SUPT3H: variants seen among roughly 807,000 people sequenced by gnomAD.
SUPT3H encodes transcription initiation protein SPT3 homolog.
Under a neutral mutation model 44.3 loss-of-function variants are expected in SUPT3H, and 44 were observed. That is an observed-to-expected ratio of 0.99 (90% confidence interval 0.78 to 1.28). The LOEUF (loss-of-function observed/expected upper bound fraction) is 1.28, where lower values mean the gene tolerates loss of function less well. Ranked by LOEUF, SUPT3H falls within the 50% of genes most tolerant of loss-of-function variation. SUPT3H has a pLI of 0.00. For synonymous variants in SUPT3H, 124 were observed against 125.6 expected (o/e 0.99, Z 0.09); for missense variants, 380 against 387.1 (o/e 0.98, Z 0.15).
At chr6:44,916,284 C>A (rs186202340) in intron 10 of SUPT3H, among the ~76,000 whole-genome samples, 1 of 152,338 alleles carries the variant, frequency 6.6e-6, no homozygotes, top group Admixed American at 6.5e-5. Context: ...CAATCTAAAG[C>A]TTCCAACTTC....
At chr6:44,859,445 C>T (rs1371283552) in intron 10 of SUPT3H, among the ~76,000 whole-genome samples, 1 of 152,166 alleles carries the variant, frequency 6.6e-6, no homozygotes, top group Non-Finnish European at 1.5e-5. Flanking sequence ...CCCTTCATAG[C>T]AAGTTTTCTT....
intron 2 of SUPT3H, among the ~76,000 whole-genome samples, chr6:45,230,140 C>T (rs1237898329): frequency 6.6e-6 from 1 of 152,196 alleles, no homozygotes; most frequent in Admixed American, 6.5e-5. Context: ...CCTCCAGTTC[C>T]ATCCACAAAC....
At chr6:45,069,344 G>A (rs1012682014) in intron 3 of SUPT3H, among the ~76,000 whole-genome samples, 3 of 152,300 alleles carry the variant, frequency 2.0e-5, no homozygotes, top group Non-Finnish European at 2.9e-5. Flanking sequence ...TGAACAGTAT[G>A]TGTTAGACAG....
At chr6:44,850,181 T>C (rs1772627374) in intron 10 of SUPT3H, among the ~76,000 whole-genome samples, 1 of 152,230 alleles carries the variant, frequency 6.6e-6, no homozygotes. Context: ...AATGCACTAA[T>C]GATCAGATTA....
intron 2 of SUPT3H, among the ~76,000 whole-genome samples, chr6:45,317,184 A>G (rs7769231): frequency 0.6 from 84,635 of 141,200 alleles, 25,642 homozygotes; most frequent in African/African-American, 0.75. Flanking sequence ...TTGAGATCAC[A>G]CCACTTGCAC....
intron 10 of SUPT3H, among the ~76,000 whole-genome samples, chr6:44,918,866 C>A (rs987147844): frequency 9.2e-5 from 14 of 152,138 alleles, no homozygotes; most frequent in African/African-American, 3.1e-4. Context: ...GTACAAAAAC[C>A]TTTCACAGAA....
At chr6:44,823,476 C>A (rs147378080), downstream of SUPT3H, among the ~76,000 whole-genome samples, 1 of 152,276 alleles carries the variant, frequency 6.6e-6, no homozygotes, top group Non-Finnish European at 1.5e-5. Flanking sequence ...CCCAGGAGAC[C>A]TCATCTCCAC....
Position 44,870,447 on chromosome 6 carries a change from A to G in SUPT3H, c.913-40590T>C, listed in dbSNP as rs574984264. 1.3e-4 allele frequency among the ~76,000 whole-genome samples: 19 copies of G among 151,982 alleles called. No individual in the cohort carries two copies. The East Asian group carries it at 3.7e-3, about 30-fold the overall frequency. ...CTCCATCTCTACGAAAAATACAAAA[A>G]TTAGCCAGGTGTGTGGTGGTGCACA... On this transcript the variant is annotated intron_variant, in intron 10 of 10. Transcript: ENST00000371459.
At chr6:44,846,350 T>TA (rs1185271377) in intron 10 of SUPT3H, among the ~76,000 whole-genome samples, 2 of 152,316 alleles carry the variant, frequency 1.3e-5, no homozygotes, top group Middle Eastern at 3.4e-3. Flanking sequence ...GAGTTACACT[T>TA]ACGCATATTT....
At chr6:44,932,228 C>T (rs1770698803) in intron 10 of SUPT3H, among the ~76,000 whole-genome samples, 1 of 152,038 alleles carries the variant, frequency 6.6e-6, no homozygotes, top group Non-Finnish European at 1.5e-5. Context: ...AGTTCAAAGC[C>T]AGTAAAGAAA....
intron 10 of SUPT3H, among the ~76,000 whole-genome samples, chr6:44,932,006 G>A (rs929711976): frequency 1.3e-5 from 2 of 152,122 alleles, no homozygotes; most frequent in African/African-American, 2.4e-5. Flanking sequence ...TATAAACAGA[G>A]TAGGACTTGA....
chr6:45,052,044 C>T (rs1005084372), intron 3 of SUPT3H, among the ~76,000 whole-genome samples: 1 of 152,092 alleles, frequency 6.6e-6, no homozygotes, highest in African/African-American at 2.4e-5. Flanking sequence ...GTATTATAGA[C>T]AAAAGCACAA....
chr6:45,127,455 T>C (rs886904940), intron 2 of SUPT3H, among the ~76,000 whole-genome samples: 1 of 152,208 alleles, frequency 6.6e-6, no homozygotes, highest in Non-Finnish European at 1.5e-5. Flanking sequence ...AGGTAGGTAT[T>C]ATTACCTCTT....
intron 10 of SUPT3H, among the ~76,000 whole-genome samples, chr6:44,833,322 A>T (rs1264424369): frequency 1.3e-5 from 2 of 152,118 alleles, no homozygotes; most frequent in East Asian, 3.8e-4. Context: ...ATTTCAGCAA[A>T]TTTTTACTGA....
intron 2 of SUPT3H, among the ~76,000 whole-genome samples, chr6:45,294,036 A>G (rs926910644): frequency 2.0e-5 from 3 of 152,172 alleles, no homozygotes; most frequent in Admixed American, 6.6e-5. Context: ...TAACCAAAAA[A>G]AGAAAACTAC....
Position 45,208,496 on chromosome 6 carries a change from C to T in SUPT3H, c.102-102490G>A, listed in dbSNP as rs561038176. Among the ~76,000 whole-genome samples the T allele has an allele frequency of 7.1e-4, 108 of 152,180 alleles. No homozygotes were observed. In the Middle Eastern group the frequency reaches 0.01, roughly 14 times the overall value. On this transcript the variant is annotated intron_variant, in intron 2 of 10. Coordinates refer to ENST00000371459, the MANE Select transcript of SUPT3H (RefSeq NM_003599.4). ...ATCCCAGAACTTTGGGAGGCCAAGG[C>T]GGGCAGATCATAAGGTCAGGAGATT...
chr6:45,170,408 C>CTACAGAAAGGAG (rs1278742299), intron 2 of SUPT3H, among the ~76,000 whole-genome samples: 5 of 152,222 alleles, frequency 3.3e-5, no homozygotes, highest in Non-Finnish European at 4.4e-5. Flanking sequence ...GAGCATATCC[C>CTACAGAAAGGAG]CACACTCCTT....
chr6:44,945,526 A>T (rs1773197037), intron 9 of SUPT3H, among the ~76,000 whole-genome samples: 1 of 152,202 alleles, frequency 6.6e-6, no homozygotes, highest in Non-Finnish European at 1.5e-5. Flanking sequence ...AAATGATAAG[A>T]AGGTGAAACA....
intron 3 of SUPT3H, among the ~76,000 whole-genome samples, chr6:45,058,945 G>A (rs539067829): frequency 7.9e-5 from 12 of 151,960 alleles, no homozygotes; most frequent in Non-Finnish European, 1.5e-4. Context: ...AGGTCTGATC[G>A]CTCTCTTGGT....
Sources: allele counts gnomAD v4.1 joint callset (sites outside exome capture counted in the v4.1 genomes callset), GRCh38; gene constraint gnomAD v4.1.1; transcripts MANE v1.5; gene names NCBI Gene and HGNC (gene_info 2026-07-23, HGNC 2026-07-21).